Variants in DOCK1 observed in about 807,000 individuals in gnomAD.
DOCK1 encodes dedicator of cytokinesis protein 1.
DOCK1 carries 138 observed loss-of-function variants against 262.7 expected under a neutral mutation model. That is an observed-to-expected ratio of 0.53 (90% CI 0.46 to 0.61). DOCK1 has a LOEUF of 0.61. Ranked by LOEUF, DOCK1 falls within the 20% of genes least tolerant of loss-of-function variation. The pLI is 0.00. For synonymous variants in DOCK1, 866 were observed against 867.4 expected, an observed-to-expected ratio of 1.00 and a Z score of 0.03; for missense variants, 1,908 against 2,370.7, an observed-to-expected ratio of 0.80 and a Z score of 4.05.
At chr10:127,051,686 G>A (rs147411869) in intron 21 of DOCK1, among the ~76,000 whole-genome samples, 1,854 of 152,216 alleles carry the variant, frequency 0.012, 26 homozygotes, top group African/African-American at 0.033. Flanking sequence ...GGACTCAAGT[G>A]ATTCTCTTGC....
At chr10:127,183,788 G>A (rs1440929220) in intron 27 of DOCK1, among the ~76,000 whole-genome samples, 2 of 152,110 alleles carry the variant, frequency 1.3e-5, no homozygotes, top group African/African-American at 4.8e-5. Flanking sequence ...TCTATATATT[G>A]TATACTTGAA....
intron 1 of DOCK1, among the ~76,000 whole-genome samples, chr10:126,945,064 C>G (rs1205191350): frequency 6.6e-6 from 1 of 152,130 alleles, no homozygotes; most frequent in Non-Finnish European, 1.5e-5. Context: ...GTCTCCAACT[C>G]CTGACTTTGT....
intron 4 of DOCK1, among the ~76,000 whole-genome samples, chr10:126,987,169 ATC>A (rs1482211202): frequency 6.6e-6 from 1 of 152,198 alleles, no homozygotes; most frequent in Non-Finnish European, 1.5e-5. Context: ...AATTTATGGC[ATC>A]TTTAAGATAG....
At chr10:127,433,219 G>A (rs2069421651) in intron 47 of DOCK1, 64 bp from the exon 48 acceptor site, 2 of 1,590,500 alleles carry the variant, frequency 1.3e-6, no homozygotes, top group Non-Finnish European at 1.7e-6. Context: ...CTTTATCTCA[G>A]GAGTCTGACC....
At chr10:127,153,958 T>C in intron 27 of DOCK1, 2 of 1,514,990 alleles carry the variant, frequency 1.3e-6, no homozygotes, top group East Asian at 2.3e-5. Context: ...TTACAAGCGG[T>C]GGCTGGGGGT....
chr10:127,036,255 G>A (rs2043607844), intron 18 of DOCK1, among the ~76,000 whole-genome samples: 1 of 152,134 alleles, frequency 6.6e-6, no homozygotes, highest in South Asian at 2.1e-4. Context: ...CTGCATGCTG[G>A]TGGTTAGGCC....
Position 126,998,120 on chromosome 10 carries a change from G to A in DOCK1, c.638G>A (p.Arg213Lys), listed in dbSNP as rs775728846. Residue 213 changes from arginine to lysine, a missense_variant, in exon 8 of 52, where the codon AGA becomes AAA. Around this residue, in one of 9 missense-constraint regions of DOCK1, gnomAD observed 227 missense variants for 254.1 expected, o/e 0.89. Transcript: ENST00000623213. ...CAAAAGCAGAACATAGATATTAACA[G>A]ACAAGCCAAGTTTGCTGCAACCCCT... ...KSQKQNIDIN[R>K]QAKFAATPSL... The A allele has an allele frequency of 2.5e-6, 4 of 1,614,026 alleles. No individual in the cohort carries two copies. In the South Asian group the frequency reaches 4.4e-5, roughly 18 times the overall value.
chr10:127,136,204 C>T (rs914538158), intron 27 of DOCK1: 33 of 151,906 alleles, frequency 2.2e-4, no homozygotes, highest in Admixed American at 4.6e-4. Context: ...TTTCAAGGCC[C>T]GATCTGGTTA....
intron 28 of DOCK1, among the ~76,000 whole-genome samples, chr10:127,250,937 G>A (rs7100664): frequency 0.015 from 2,209 of 151,604 alleles, 68 homozygotes; most frequent in African/African-American, 0.051. Context: ...TAACTATACC[G>A]AGTATATGAC....
intron 33 of DOCK1, among the ~76,000 whole-genome samples, chr10:127,364,230 GTC>G (rs1430958056): frequency 6.6e-6 from 1 of 152,214 alleles, no homozygotes; most frequent in African/African-American, 2.4e-5. Flanking sequence ...GATGAACAGA[GTC>G]TGACTGCTGG....
intron 12 of DOCK1, chr10:127,013,858 G>C (rs2041657300): frequency 6.6e-6 from 1 of 152,312 alleles, no homozygotes; most frequent in Non-Finnish European, 1.5e-5. Flanking sequence ...GTGGAATTCA[G>C]GTCAGAGGTG....
At chr10:126,918,255 T>C (rs2032740526) in intron 1 of DOCK1, among the ~76,000 whole-genome samples, 1 of 150,926 alleles carries the variant, frequency 6.6e-6, no homozygotes, top group East Asian at 2.0e-4. Flanking sequence ...CTGGGATTGA[T>C]TGCCAGCATG....
At position 127,146,671 on chromosome 10, in the gene DOCK1, G is replaced by A. The variant is rs901564459; in HGVS notation, c.2847+18907G>A. The stretch of plus-strand genomic sequence containing the variant: ...GAGCACTAAACATTAGGCAAAAGGC[G>A]AATTTCCCCCACCTCAGTTCATGCT... On this transcript the variant is annotated intron_variant, in intron 27 of 51. Transcript: ENST00000623213. Among the ~76,000 whole-genome samples, 4 of 152,136 alleles carry A rather than the reference G, an allele frequency of 2.6e-5. No homozygotes were observed. The East Asian group carries it at 5.8e-4, about 22-fold the overall frequency.
chr10:127,391,641 T>G (rs1467996451), intron 38 of DOCK1, among the ~76,000 whole-genome samples: 1 of 152,192 alleles, frequency 6.6e-6, no homozygotes, highest in Admixed American at 6.5e-5. Context: ...GCTGACAGAC[T>G]GGCTCTAAGA....
At chr10:127,130,763 A>C (rs542989879) in intron 27 of DOCK1, among the ~76,000 whole-genome samples, 6 of 152,320 alleles carry the variant, frequency 3.9e-5, no homozygotes, top group African/African-American at 1.4e-4. Flanking sequence ...GAAACAGTTC[A>C]AGATCCCACA....
chr10:126,953,739 G>T (rs1012376078), intron 1 of DOCK1, among the ~76,000 whole-genome samples: 58 of 152,148 alleles, frequency 3.8e-4, no homozygotes, highest in Admixed American at 6.5e-4. Context: ...CTTGTTCCAC[G>T]TGTGTTGGGG....
chr10:127,311,439 A>T (rs772960229), intron 29 of DOCK1, among the ~76,000 whole-genome samples: 20 of 152,172 alleles, frequency 1.3e-4, no homozygotes, highest in Non-Finnish European at 2.9e-4. Context: ...TATTCCAAAC[A>T]TCCGAAATCC....
At chr10:127,070,963 T>C (rs1349067592) in intron 23 of DOCK1, among the ~76,000 whole-genome samples, 1 of 152,122 alleles carries the variant, frequency 6.6e-6, no homozygotes, top group East Asian at 1.9e-4. Flanking sequence ...CCTTCAAGGC[T>C]GGCTTCATTC....
intron 19 of DOCK1, 123 bp downstream of exon 19, chr10:127,037,939 A>T (rs912034317): frequency 3.1e-5 from 25 of 809,214 alleles, no homozygotes; most frequent in Non-Finnish European, 4.6e-5. Context: ...CCTTTAAAAA[A>T]TAGTGACATA....
Sources: allele counts gnomAD v4.1 joint callset (sites outside exome capture counted in the v4.1 genomes callset), GRCh38; gene constraint gnomAD v4.1.1; regional missense constraint gnomAD v4.1.1; transcripts MANE v1.5; gene names NCBI Gene and HGNC (gene_info 2026-07-23, HGNC 2026-07-21).